The following SULF1 variants were observed in gnomAD, a reference collection of about 807,000 sequenced individuals.
SULF1 encodes sulfatase 1.
Under a neutral mutation model 110.5 loss-of-function variants are expected in SULF1, and 46 were observed. That is an observed-to-expected ratio of 0.42 (90% confidence interval 0.33 to 0.53). The LOEUF (loss-of-function observed/expected upper bound fraction) is 0.53. Ranked by LOEUF, SULF1 falls within the 20% of genes least tolerant of loss-of-function variation. The probability of loss-of-function intolerance (pLI) is 0.12; values close to 1 mark genes in which losing one functional copy is unlikely to be tolerated. For synonymous variants in SULF1, 371 were observed against 387.1 expected, an observed-to-expected ratio of 0.96 and a Z score of 0.49; for missense variants, 941 against 1,094.2, an observed-to-expected ratio of 0.86 and a Z score of 1.98.
chr8:69,510,945 T>TACACAC (rs56386460), intron 3 of SULF1, among the ~76,000 whole-genome samples: 16,323 of 141,046 alleles, frequency 0.12, 937 homozygotes, highest in Non-Finnish European at 0.13. Context: ...ATATCATCAT[T>TACACAC]ACACACACAC....
intron 3 of SULF1, among the ~76,000 whole-genome samples, chr8:69,537,092 G>C (rs1477464801): frequency 6.6e-6 from 1 of 152,168 alleles, no homozygotes; most frequent in South Asian, 2.1e-4. Context: ...CCCAGCAAAC[G>C]TAAGCTTCTA....
intron 19 of SULF1, among the ~76,000 whole-genome samples, chr8:69,634,537 G>A (rs142353217): frequency 4.0e-4 from 61 of 152,280 alleles, no homozygotes; most frequent in African/African-American, 1.4e-3. Flanking sequence ...GGGAAGCCGA[G>A]GCAGGTGGAT....
At chr8:69,623,520 A>G (rs947965051) in intron 14 of SULF1, among the ~76,000 whole-genome samples, 2 of 152,264 alleles carry the variant, frequency 1.3e-5, no homozygotes, top group Non-Finnish European at 2.9e-5. Context: ...GCAAAAGCTC[A>G]ATAAAGGATA....
rs140376959 is a variant in SULF1 at position 69,536,505 on chromosome 8, T to G, written c.-133-27034T>G. ...TTTCTTTGCAGCCTGTTGTTTGTGT[T>G]TATTAACATCTTTGATTGGCAAGAC... On this transcript the variant is annotated intron_variant, in intron 3 of 22. Coordinates refer to ENST00000402687, the MANE Select transcript of SULF1 (RefSeq NM_001128205.2). Among the ~76,000 whole-genome samples, 1,042 of 152,324 alleles carry G rather than the reference T, an allele frequency of 6.8e-3. 8 individuals carry two copies. The highest frequency in any genetic ancestry group is 0.024 in the African/African-American group (989 of 41,562).
chr8:69,616,668 C>G (rs139049299), intron 13 of SULF1, among the ~76,000 whole-genome samples: 1 of 149,422 alleles, frequency 6.7e-6, no homozygotes, highest in Non-Finnish European at 1.5e-5. Flanking sequence ...TCCCAAAGTG[C>G]TGAAATTACA....
At chr8:69,634,027 AAAT>A (rs1273271329) in intron 19 of SULF1, among the ~76,000 whole-genome samples, 2 of 152,240 alleles carry the variant, frequency 1.3e-5, no homozygotes, top group African/African-American at 4.8e-5. Flanking sequence ...GTTCACATAT[AAAT>A]AATATGTTAT....
At chr8:69,499,427 AAAAAACATTTTAAC>A (rs1227276295) in intron 2 of SULF1, among the ~76,000 whole-genome samples, 3 of 152,234 alleles carry the variant, frequency 2.0e-5, no homozygotes, top group Non-Finnish European at 4.4e-5. Flanking sequence ...ATGAAATTGG[AAAAAACATTTTAAC>A]AAAAGGAATT....
intron 17 of SULF1, 105 bp from the exon 18 acceptor site, chr8:69,628,066 A>G (rs1563605772): frequency 9.7e-7 from 1 of 1,025,898 alleles, no homozygotes; most frequent in Admixed American, 2.0e-5. Flanking sequence ...AATACTTACA[A>G]CATCACTGCC....
intron 3 of SULF1, among the ~76,000 whole-genome samples, chr8:69,526,063 G>A (rs780325371): frequency 1.7e-4 from 26 of 152,142 alleles, no homozygotes; most frequent in Non-Finnish European, 3.7e-4. Context: ...TAATGAAAAT[G>A]TGCAGGATCC....
chr8:69,543,750 T>C (rs1814025823), intron 3 of SULF1, among the ~76,000 whole-genome samples: 1 of 152,206 alleles, frequency 6.6e-6, no homozygotes. Context: ...ATAGCCCAAT[T>C]GATTCTCTAG....
intron 3 of SULF1, among the ~76,000 whole-genome samples, chr8:69,510,125 T>C (rs757092517): frequency 4.6e-5 from 7 of 152,184 alleles, no homozygotes; most frequent in Admixed American, 2.6e-4. Flanking sequence ...CTTTTGTGGA[T>C]GTCTGAAAAT....
At chr8:69,534,949 A>C (rs768088199) in intron 3 of SULF1, among the ~76,000 whole-genome samples, 1 of 152,196 alleles carries the variant, frequency 6.6e-6, no homozygotes, top group South Asian at 2.1e-4. Context: ...TTGTTTAAAA[A>C]CAAGCAAGTT....
In SULF1 at chr8:69,527,897, A is replaced by C. The variant is rs111275288; in HGVS notation, c.-134+25929A>C. ...GCTGAGAGCAGAGAGACAAGGAGGGAGGAAATGAGAAGGAGGGAATCTGTG... is the reference window on the plus strand; with the variant it reads ...GCTGAGAGCAGAGAGACAAGGAGGGCGGAAATGAGAAGGAGGGAATCTGTG... On this transcript the variant is annotated intron_variant, in intron 3 of 22. Coordinates refer to ENST00000402687, the MANE Select transcript of SULF1 (RefSeq NM_001128205.2). Among the ~76,000 whole-genome samples, 1,389 of 152,264 alleles carry C rather than the reference A, an allele frequency of 9.1e-3. 35 individuals are homozygous for C. Among genetic ancestry groups the C allele is most frequent in the African/African-American group, 0.03 (1,252 of 41,528 alleles).
At chr8:69,616,104 T>C (rs1160112793) in intron 13 of SULF1, among the ~76,000 whole-genome samples, 6 of 136,652 alleles carry the variant, frequency 4.4e-5, no homozygotes, top group Non-Finnish European at 9.8e-5. Context: ...TATACACACA[T>C]ATATGTGTGT....
intron 1 of SULF1, among the ~76,000 whole-genome samples, chr8:69,468,281 T>C (rs1425946446): frequency 1.3e-5 from 2 of 152,244 alleles, no homozygotes; most frequent in Non-Finnish European, 2.9e-5. Flanking sequence ...TTTGGTAGGT[T>C]GAATAACAGG....
chr8:69,497,280 C>T (rs963309874), intron 2 of SULF1, among the ~76,000 whole-genome samples: 1 of 151,254 alleles, frequency 6.6e-6, no homozygotes, highest in African/African-American at 2.4e-5. Context: ...GCCTCAGCCT[C>T]CTGAGTAGCT....
chr8:69,579,554 C>G (rs573578671), intron 6 of SULF1, among the ~76,000 whole-genome samples: 65 of 128,504 alleles, frequency 5.1e-4, no homozygotes, highest in African/African-American at 2.1e-3. Context: ...GTCACACACA[C>G]ACACACACAC....
At chr8:69,543,701 C>CT (rs955590633) in intron 3 of SULF1, among the ~76,000 whole-genome samples, 4 of 151,948 alleles carry the variant, frequency 2.6e-5, no homozygotes, top group Admixed American at 2.0e-4. Context: ...ACCTTTACAT[C>CT]TTTTTTTTGA....
chr8:69,649,182 A>T (rs1434869521), intron 22 of SULF1, among the ~76,000 whole-genome samples: 6 of 152,246 alleles, frequency 3.9e-5, no homozygotes, highest in East Asian at 3.8e-4. Flanking sequence ...TTCTATTTTG[A>T]TATAACTTTA....
Sources: allele counts gnomAD v4.1 joint callset (sites outside exome capture counted in the v4.1 genomes callset), GRCh38; gene constraint gnomAD v4.1.1; transcripts MANE v1.5; gene names NCBI Gene and HGNC (gene_info 2026-07-23, HGNC 2026-07-21).